Variants in PHACTR4 observed in about 807,000 individuals in gnomAD.
PHACTR4 encodes protein phosphatase 1, regulatory subunit 124.
A neutral mutation model predicts 72.7 loss-of-function variants in PHACTR4; 51 were observed. The ratio of observed to expected loss-of-function variants is 0.70; its 90% CI spans 0.56 to 0.89. The LOEUF (loss-of-function observed/expected upper bound fraction) is 0.89. Ranked by LOEUF, PHACTR4 falls within the 40% of genes least tolerant of loss-of-function variation. PHACTR4 has a pLI of 0.00. For missense variants in PHACTR4, 731 were observed against 861.8 expected, an observed-to-expected ratio of 0.85 and a Z score of 1.90; for synonymous variants, 255 against 302.5, an observed-to-expected ratio of 0.84 and a Z score of 1.63.
intron 2 of PHACTR4, chr1:28,438,055 T>C (rs1322998422): frequency 1.0e-5 from 9 of 862,472 alleles, no homozygotes; most frequent in Admixed American, 1.2e-4. Flanking sequence ...GTGTGGACTT[T>C]TGGGCTATGC....
At chr1:28,399,313 A>G (rs1478196725) in intron 1 of PHACTR4, among the ~76,000 whole-genome samples, 3 of 152,208 alleles carry the variant, frequency 2.0e-5, no homozygotes, top group Non-Finnish European at 4.4e-5. Flanking sequence ...CTCTGTCTCA[A>G]AAAATATATA....
At chr1:28,437,231 T>C (rs1656693608) in intron 2 of PHACTR4, among the ~76,000 whole-genome samples, 1 of 152,114 alleles carries the variant, frequency 6.6e-6, no homozygotes, top group Non-Finnish European at 1.5e-5. Context: ...TCTTTTATTT[T>C]TATTTATTTA....
intron 7 of PHACTR4, among the ~76,000 whole-genome samples, chr1:28,474,528 A>G (rs1283140441): frequency 1.3e-5 from 2 of 151,526 alleles, no homozygotes; most frequent in East Asian, 3.9e-4. Context: ...GTCTCACAGA[A>G]AAAAAGAAAA....
At chr1:28,398,246 C>T (rs144404406) in intron 1 of PHACTR4, among the ~76,000 whole-genome samples, 146 of 151,964 alleles carry the variant, frequency 9.6e-4, no homozygotes, top group Non-Finnish European at 1.7e-3. Flanking sequence ...GGTGGCTGGC[C>T]GGGGTGGCTC....
intron 2 of PHACTR4, among the ~76,000 whole-genome samples, chr1:28,454,901 C>T (rs1658261658): frequency 6.6e-6 from 1 of 152,108 alleles, no homozygotes; most frequent in Non-Finnish European, 1.5e-5. Context: ...GGAAGGACCA[C>T]TTGAACCCAG....
At chr1:28,459,802 T>C (rs1658670063) in intron 3 of PHACTR4, among the ~76,000 whole-genome samples, 1 of 152,320 alleles carries the variant, frequency 6.6e-6, no homozygotes, top group South Asian at 2.1e-4. Context: ...CATATAAGTA[T>C]CTATTGAGTG....
intron 1 of PHACTR4, among the ~76,000 whole-genome samples, chr1:28,390,831 C>T (rs932038580): frequency 6.6e-6 from 1 of 151,618 alleles, no homozygotes; most frequent in African/African-American, 2.4e-5. Flanking sequence ...GCAGGTGGTT[C>T]AAGCCTGTAA....
At chr1:28,462,676 C>G (rs946189162) in intron 4 of PHACTR4, among the ~76,000 whole-genome samples, 2 of 152,060 alleles carry the variant, frequency 1.3e-5, no homozygotes, top group Non-Finnish European at 1.5e-5. Flanking sequence ...ATCTTTTGCC[C>G]TATACTTTCT....
At chr1:28,373,074 C>A (rs895587600) in intron 1 of PHACTR4, among the ~76,000 whole-genome samples, 2 of 152,016 alleles carry the variant, frequency 1.3e-5, no homozygotes, top group Non-Finnish European at 2.9e-5. Flanking sequence ...CCTCCCACTT[C>A]AGCCTTCTGA....
intron 1 of PHACTR4, among the ~76,000 whole-genome samples, chr1:28,396,382 T>C (rs1653500734): frequency 1.3e-5 from 2 of 151,406 alleles, no homozygotes; most frequent in African/African-American, 4.8e-5. Context: ...AATACAAAAA[T>C]TAGCTGGGCG....
At chr1:28,420,508 C>G (rs1359568097) in intron 2 of PHACTR4, among the ~76,000 whole-genome samples, 1 of 152,152 alleles carries the variant, frequency 6.6e-6, no homozygotes, top group Non-Finnish European at 1.5e-5. Flanking sequence ...AACTGTGAGT[C>G]AATTAAACCC....
At chr1:28,455,911 C>A (rs1483536440) in intron 2 of PHACTR4, among the ~76,000 whole-genome samples, 1 of 152,154 alleles carries the variant, frequency 6.6e-6, no homozygotes, top group East Asian at 1.9e-4. Flanking sequence ...GGACATCTGC[C>A]TCTAAAAGTT....
intron 1 of PHACTR4, among the ~76,000 whole-genome samples, chr1:28,384,814 C>T (rs1169131085): frequency 1.3e-5 from 2 of 152,130 alleles, no homozygotes; most frequent in Non-Finnish European, 2.9e-5. Flanking sequence ...ATCGCCTCAA[C>T]CTGGGAGGTG....
intron 2 of PHACTR4, among the ~76,000 whole-genome samples, chr1:28,436,817 G>A (rs1431751752): frequency 6.6e-6 from 1 of 152,164 alleles, no homozygotes; most frequent in Non-Finnish European, 1.5e-5. Flanking sequence ...GTGCAAACTG[G>A]ACGTTCATTT....
chr1:28,490,207 A>G (rs1034894976), intron 10 of PHACTR4, among the ~76,000 whole-genome samples: 2 of 152,176 alleles, frequency 1.3e-5, no homozygotes, highest in Admixed American at 6.5e-5. Context: ...GCTTTTAAGT[A>G]TTTGTATCGT....
chr1:28,405,951 A>G (rs924458242), intron 1 of PHACTR4, among the ~76,000 whole-genome samples: 3 of 152,142 alleles, frequency 2.0e-5, no homozygotes, highest in East Asian at 1.9e-4. Context: ...CCAGATTTCT[A>G]TCTATCTTAG....
Position 28,438,494 on chromosome 1 carries a change from C to T in PHACTR4, c.17-20591C>T, listed in dbSNP as rs1656781385. 2.6e-6 allele frequency: 4 copies of T among 1,564,736 alleles called. No homozygotes were observed. In the East Asian group the frequency reaches 9.1e-5, roughly 36 times the overall value. ...GAAGCAAGGCAGATTTACAGGTGAA[C>T]TTGAGTATTTATGTGAAGTTAAACA... On this transcript the variant is annotated intron_variant, in intron 2 of 13. Coordinates refer to ENST00000373839, the MANE Select transcript of PHACTR4 (RefSeq NM_001048183.3).
In PHACTR4 at chr1:28,369,761, CG is replaced by C; in HGVS notation, c.-100del. On this transcript the variant is annotated 5_prime_UTR_variant, in exon 1 of 14. Coordinates refer to ENST00000373839, the MANE Select transcript of PHACTR4 (RefSeq NM_001048183.3). ...GCTCCGGCTGCTGCCTGGCGGCCAA[CG>C]GGCCAGGTAGGATTTCCGGGAGAGG... 1 of 445,534 alleles carries C rather than the reference CG, an allele frequency of 2.2e-6. No homozygotes were observed. Among genetic ancestry groups the C allele is most frequent in the Non-Finnish European group, 4.5e-6 (1 of 223,918 alleles). The allele number at this position is 445,534 out of a possible 1,614,324, so 27.6% of individuals were successfully genotyped here.
chr1:28,479,419 CA>C (rs1019186726), intron 8 of PHACTR4, among the ~76,000 whole-genome samples: 10,127 of 61,478 alleles, frequency 0.16, 1,056 homozygotes, highest in African/African-American at 0.35. Context: ...GACTCTGTCG[CA>C]AAAAAAAAAA....
Sources: allele counts gnomAD v4.1 joint callset (sites outside exome capture counted in the v4.1 genomes callset), GRCh38; gene constraint gnomAD v4.1.1; transcripts MANE v1.5; gene names NCBI Gene and HGNC (gene_info 2026-07-23, HGNC 2026-07-21).